MAP3K1: variants seen among roughly 807,000 people sequenced by gnomAD.
MAP3K1 encodes mitogen-activated protein kinase kinase kinase 1, also known as MAP/ERK kinase kinase 1.
MAP3K1 carries 36 observed loss-of-function variants against 144.2 expected under a neutral mutation model. The ratio of observed to expected loss-of-function variants is 0.25; its 90% confidence interval spans 0.19 to 0.33. MAP3K1 has a LOEUF of 0.33. Ranked by LOEUF, MAP3K1 falls within the 10% of genes least tolerant of loss-of-function variation. The pLI is 1.00. For missense variants in MAP3K1, 1,650 were observed against 1,881.9 expected (o/e 0.88, Z 2.28); for synonymous variants, 718 against 688.7 (o/e 1.04, Z -0.67).
At chr5:56,883,007 A>G in intron 14 of MAP3K1, 141 bp downstream of exon 14, 1 of 684,990 alleles carries the variant, frequency 1.5e-6, no homozygotes, top group Non-Finnish European at 2.4e-6. Context: ...TGGTCAACAA[A>G]GCAAGACCCT....
At position 56,887,964 on chromosome 5, in the gene MAP3K1, G is replaced by C. The variant is rs896882866; in HGVS notation, c.4258-262G>C. ...TCATGTTCATATGTAGTAATGATCT[G>C]TTGTCCTCTTGCCACATAGTTTGCT... On this transcript the variant is annotated intron_variant, in intron 18 of 19. Coordinates refer to ENST00000399503, the MANE Select transcript of MAP3K1 (RefSeq NM_005921.2). 1.0e-4 allele frequency: 54 copies of C among 529,790 alleles called. 1 individual carries two copies. The South Asian group carries it at 1.1e-3, about 11-fold the overall frequency. 32.8% of individuals were successfully genotyped at this position (529,790 alleles called of 1,614,324 possible). A position where few individuals can be genotyped will look rare whatever the true frequency, so the allele number is the denominator to read the frequency against.
At position 56,895,752 on chromosome 5, in the gene MAP3K1, G is replaced by A. The variant is rs559269264; in HGVS notation, c.*2072G>A. ...TCAAAGCTGGACTGGAAATTGTATCGTGTAATTATTTTTGTGTTCTTAATG... is the reference window on the plus strand; with the variant it reads ...TCAAAGCTGGACTGGAAATTGTATCATGTAATTATTTTTGTGTTCTTAATG... On this transcript the variant is annotated 3_prime_UTR_variant, in exon 20 of 20. Coordinates refer to ENST00000399503, the MANE Select transcript of MAP3K1 (RefSeq NM_005921.2). The A allele has an allele frequency of 1.0e-3, 232 of 231,672 alleles. No individual in the cohort carries two copies. The highest frequency in any genetic ancestry group is 4.8e-3 in the African/African-American group (218 of 45,332). The allele number at this position is 231,672 out of a possible 1,614,324, so 14.4% of individuals were successfully genotyped here.
intron 1 of MAP3K1, among the ~76,000 whole-genome samples, chr5:56,824,414 G>A (rs993531960): frequency 6.6e-6 from 1 of 152,196 alleles, no homozygotes; most frequent in African/African-American, 2.4e-5. Flanking sequence ...CTAACATGCA[G>A]CAATTAGAAG....
At chr5:56,864,596 A>G in intron 3 of MAP3K1, 138 bp from the exon 4 acceptor site, 1 of 795,938 alleles carries the variant, frequency 1.3e-6, no homozygotes, top group East Asian at 2.6e-5. Context: ...GATGGTCTGG[A>G]TCTCCTGACC....
At position 56,875,141 on chromosome 5, in the gene MAP3K1, A is replaced by C; in HGVS notation, c.1796A>C (p.Asn599Thr). Residue 599 changes from asparagine to threonine, a missense_variant, in exon 10 of 20, where the codon AAT becomes ACT. Coordinates refer to ENST00000399503, the MANE Select transcript of MAP3K1 (RefSeq NM_005921.2). ...GTCAGTGGGGCCCTGCTGTTGGCAAATGGGGAGAGCACTGGAAATTCTGGG... is the reference window on the plus strand; with the variant it reads ...GTCAGTGGGGCCCTGCTGTTGGCAACTGGGGAGAGCACTGGAAATTCTGGG... ...HDVSGALLLA[N>T]GESTGNSGGS... The C allele has an allele frequency of 6.2e-7, 1 of 1,614,142 alleles. No homozygotes were observed. The highest frequency in any genetic ancestry group is 1.1e-5 in the South Asian group (1 of 91,086).
At position 56,864,789 on chromosome 5, in the gene MAP3K1, C is replaced by T. The variant is rs2111890566; in HGVS notation, c.890C>T (p.Ser297Leu). ...AGAGCCCCTTCACCAGATGGCTTCT[C>T]ACCATATAGCCCTGAGGAAACAAAC... is the stretch of plus-strand genomic sequence containing the variant. ...PRRAPSPDGF[S>L]PYSPEETNRR... The change falls in exon 4 of 20, where the codon TCA (serine) becomes TTA (leucine). Residue 297 changes from serine (S) to leucine (L), a missense_variant. Coordinates refer to ENST00000399503, the MANE Select transcript of MAP3K1 (RefSeq NM_005921.2). 1 of 1,614,086 alleles carries T rather than the reference C, an allele frequency of 6.2e-7. No individual in the cohort carries two copies. Among genetic ancestry groups the T allele is most frequent in the East Asian group, 2.2e-5 (1 of 44,880 alleles).
chr5:56,861,936 T>G (rs990551973), intron 3 of MAP3K1: 1 of 152,206 alleles, frequency 6.6e-6, no homozygotes. Flanking sequence ...CATAAATTCG[T>G]TAAAAAGTAC....
At chr5:56,851,835 C>G (rs896046308) in intron 1 of MAP3K1, among the ~76,000 whole-genome samples, 10 of 152,154 alleles carry the variant, frequency 6.6e-5, no homozygotes, top group Admixed American at 5.9e-4. Context: ...GCAGACCCTT[C>G]GCTTCCCAGA....
chr5:56,855,293 C>T (rs1282196660), intron 1 of MAP3K1, among the ~76,000 whole-genome samples: 5 of 151,966 alleles, frequency 3.3e-5, no homozygotes, highest in African/African-American at 9.7e-5. Context: ...TTAGATAATC[C>T]TCCTTTTTTC....
chr5:56,872,769 C>A (rs1008005237), intron 8 of MAP3K1, 47 bp downstream of exon 8: 1 of 1,604,934 alleles, frequency 6.2e-7, no homozygotes, highest in South Asian at 1.1e-5. Flanking sequence ...TTAAAAATTT[C>A]TCAGTGTGGT....
chr5:56,887,668 C>G lies in MAP3K1; in HGVS notation c.4257+148C>G, dbSNP rs1748424074. 3 of 845,414 alleles carry G rather than the reference C, an allele frequency of 3.5e-6. No homozygotes were observed. In the South Asian group the frequency reaches 4.2e-5, roughly 12 times the overall value. 52.4% of individuals were successfully genotyped at this position (845,414 alleles called of 1,614,324 possible). ...AAAATACGGTTTTAATAATATCTTT[C>G]AGACCCTTATTCTCGACCTTTCTTT... On this transcript the variant is annotated intron_variant, in intron 18 of 19. Coordinates refer to ENST00000399503, the MANE Select transcript of MAP3K1 (RefSeq NM_005921.2).
intron 1 of MAP3K1, among the ~76,000 whole-genome samples, chr5:56,824,675 T>C (rs762748833): frequency 3.3e-5 from 5 of 152,368 alleles, no homozygotes; most frequent in East Asian, 1.9e-4. Context: ...AAGATAGTTA[T>C]AGAAAGTGTC....
At chr5:56,826,680 G>A (rs1368568493) in intron 1 of MAP3K1, among the ~76,000 whole-genome samples, 1 of 152,250 alleles carries the variant, frequency 6.6e-6, no homozygotes, top group Non-Finnish European at 1.5e-5. Flanking sequence ...GGTTGTAGGT[G>A]AGCAAGCACG....
At chr5:56,827,774 G>A (rs1746364994) in intron 1 of MAP3K1, among the ~76,000 whole-genome samples, 1 of 151,990 alleles carries the variant, frequency 6.6e-6, no homozygotes, top group African/African-American at 2.4e-5. Flanking sequence ...TGAGGCAGGA[G>A]AATCACTTGA....
chr5:56,830,672 C>A (rs1183663975), intron 1 of MAP3K1, among the ~76,000 whole-genome samples: 1 of 152,076 alleles, frequency 6.6e-6, no homozygotes. Context: ...TAATCAGATG[C>A]TGTCCTTCTG....
chr5:56,882,201 G>A lies in MAP3K1; in HGVS notation c.3001G>A (p.Val1001Ile), dbSNP rs947976077. 1 of 1,613,998 alleles carries A rather than the reference G, an allele frequency of 6.2e-7. No homozygotes were observed. Among genetic ancestry groups the A allele is most frequent in the African/African-American group, 1.3e-5 (1 of 74,926 alleles). The stretch of plus-strand genomic sequence containing the variant: ...TGTACCAGCTGGCACTGCAACAGAT[G>A]TCTCTAAGCATAGACTTCAGGGATT... ...PSVPAGTATD[V>I]SKHRLQGFIP... The change falls in exon 14 of 20, where the codon GTC becomes ATC. Residue 1001 changes from valine (V) to isoleucine (I), a missense_variant. By Grantham distance (29) the Val-to-Ile change is conservative. Around this residue, in one of 6 missense-constraint regions of MAP3K1, gnomAD observed 841 missense variants for 886.5 expected, o/e 0.95. Transcript: ENST00000399503.
At chr5:56,838,569 G>T (rs1244930449) in intron 1 of MAP3K1, among the ~76,000 whole-genome samples, 1 of 152,228 alleles carries the variant, frequency 6.6e-6, no homozygotes, top group Non-Finnish European at 1.5e-5. Context: ...TCTTTCAAGT[G>T]ATTAGTGGGC....
At position 56,859,901 on chromosome 5, in the gene MAP3K1, G is replaced by A. The variant is rs2111874729; in HGVS notation, c.820G>A (p.Val274Ile). The A allele has an allele frequency of 1.9e-6, 3 of 1,611,980 alleles. No individual in the cohort carries two copies. Among genetic ancestry groups the A allele is most frequent in the Non-Finnish European group, 2.5e-6 (3 of 1,178,884 alleles). Residue 274 changes from valine to isoleucine, a missense_variant, in exon 3 of 20, where the codon GTT becomes ATT. Transcript: ENST00000399503. ...ATCTCCAGGAGTAAGGAGAAAAAGA[G>A]TTTCCCCAGTGCCTGTAAGTTAATG... ...SESPGVRRKR[V>I]SPVPFQSGRI...
intron 1 of MAP3K1, among the ~76,000 whole-genome samples, chr5:56,831,554 T>A (rs1400229741): frequency 6.6e-6 from 1 of 152,242 alleles, no homozygotes; most frequent in Non-Finnish European, 1.5e-5. Flanking sequence ...GCATTTAGTT[T>A]GCACTTTCAA....
Sources: gnomAD v4.1 joint callset for allele counts (sites outside exome capture counted in the v4.1 genomes callset) on GRCh38, gnomAD v4.1.1 for gene constraint, gnomAD v4.1.1 regional missense constraint, MANE v1.5 for transcripts, NCBI Gene and HGNC (gene_info 2026-07-23, HGNC 2026-07-21) for gene names.